DCAF5: variants seen among roughly 807,000 people sequenced by gnomAD.
DCAF5 encodes DDB1 and CUL4 associated factor 5.
Under a neutral mutation model 80.7 loss-of-function variants are expected in DCAF5, and 9 were observed. The ratio of observed to expected loss-of-function variants is 0.11; its 90% CI spans 0.07 to 0.19. DCAF5 has a LOEUF of 0.19. Ranked by LOEUF, DCAF5 falls within the 10% of genes least tolerant of loss-of-function variation. DCAF5 has a pLI of 1.00. For synonymous variants in DCAF5, 433 were observed against 461.9 expected (o/e 0.94, Z 0.80); for missense variants, 842 against 1,205.7 (o/e 0.70, Z 4.47).
intron 4 of DCAF5, among the ~76,000 whole-genome samples, chr14:69,117,189 C>T (rs2040568124): frequency 6.6e-6 from 1 of 152,166 alleles, no homozygotes; most frequent in Non-Finnish European, 1.5e-5. Context: ...TGCAGTATTT[C>T]ACAGGTCTCT....
chr14:69,055,227 G>C lies in DCAF5; in HGVS notation c.1459C>G (p.Arg487Gly). 1.2e-6 allele frequency: 2 copies of C among 1,614,156 alleles called. No individual in the cohort carries two copies. The highest frequency in any genetic ancestry group is 1.7e-6 in the Non-Finnish European group (2 of 1,180,022). Residue 487 changes from arginine to glycine, a missense_variant, in exon 9 of 9, where the codon CGG becomes GGG. Coordinates refer to ENST00000341516, the MANE Select transcript of DCAF5 (RefSeq NM_003861.3). The surrounding 1 kb of genome is among the most constrained non-coding windows in gnomAD (Gnocchi z 5.6). ...GCTACTGTGTTTGTGGTGGTGACCC[G>C]CAGGGGCCCCAGGTGGAAGGCGTTG... ...ADNAFHLGPL[R>G]VTTTNTVAST...
chr14:69,143,553 C>CTTTT (rs562355110), intron 1 of DCAF5, among the ~76,000 whole-genome samples: 1,272 of 102,136 alleles, frequency 0.012, 36 homozygotes, highest in African/African-American at 0.043. Context: ...ATCTGTTAAA[C>CTTTT]TTTTTTTTTT....
chr14:69,133,978 GT>G (rs1225534690), intron 1 of DCAF5, among the ~76,000 whole-genome samples: 3 of 152,182 alleles, frequency 2.0e-5, no homozygotes, highest in Non-Finnish European at 2.9e-5. Flanking sequence ...CCTAGACAAT[GT>G]CTCTAATTCC....
At chr14:69,076,095 A>T (rs1048590279) in intron 6 of DCAF5, among the ~76,000 whole-genome samples, 1 of 151,682 alleles carries the variant, frequency 6.6e-6, no homozygotes, top group South Asian at 2.1e-4. Flanking sequence ...ACTATTTCAC[A>T]CCCATTAGGA....
At chr14:69,067,485 AG>A (rs1310466734) in intron 7 of DCAF5, among the ~76,000 whole-genome samples, 1 of 151,102 alleles carries the variant, frequency 6.6e-6, no homozygotes, top group Non-Finnish European at 1.5e-5. Flanking sequence ...CTGAGACTAT[AG>A]GGACATGGCA....
At chr14:69,113,953 T>C (rs1194099407) in intron 5 of DCAF5, among the ~76,000 whole-genome samples, 1 of 152,242 alleles carries the variant, frequency 6.6e-6, no homozygotes, top group Non-Finnish European at 1.5e-5. Context: ...TTAGCCCTAC[T>C]GGGCAACTTT....
At position 69,122,498 on chromosome 14, in the gene DCAF5, C is replaced by A. The variant is rs1024645850; in HGVS notation, c.215-138G>T. On this transcript the variant is annotated intron_variant, in intron 1 of 8. Coordinates refer to ENST00000341516, the MANE Select transcript of DCAF5 (RefSeq NM_003861.3). ...TAAGATTCGCATGGAGCACAAAAACCCAGGACTCTCCCTGCTTCACCATCA... is the reference window on the plus strand; with the variant it reads ...TAAGATTCGCATGGAGCACAAAAACACAGGACTCTCCCTGCTTCACCATCA... The A allele has an allele frequency of 1.1e-5, 9 of 786,430 alleles. No homozygotes were observed. The Admixed American group carries it at 1.7e-4, about 15-fold the overall frequency. The allele number at this position is 786,430 out of a possible 1,614,324, so 48.7% of individuals were successfully genotyped here.
chr14:69,135,301 T>A (rs887476570), intron 1 of DCAF5, among the ~76,000 whole-genome samples: 19 of 152,206 alleles, frequency 1.2e-4, no homozygotes, highest in African/African-American at 4.6e-4. Context: ...ATTCTTTAAC[T>A]GCCACTCATT....
chr14:69,055,444 C>T lies in DCAF5; in HGVS notation c.1242G>A (p.Arg414=). The T allele has an allele frequency of 6.2e-7, 1 of 1,614,164 alleles. No homozygotes were observed. Among genetic ancestry groups the T allele is most frequent in the South Asian group, 1.1e-5 (1 of 91,074 alleles). Residue 414 remains arginine, a synonymous_variant, in exon 9 of 9, where the codon CGG becomes CGA. Transcript: ENST00000341516. This position sits in a 1 kb window ranked among gnomAD's most constrained non-coding sequence, Gnocchi z 5.6. ...YANQSVQEDP[R]MMAFFDSLVR... ...CCAGTGAGTCAAAGAAGGCCATCAT[C>T]CGGGGGTCTTCCTGGACCGACTGGT...
chr14:69,151,422 CAGA>C (rs1254113105), intron 1 of DCAF5, among the ~76,000 whole-genome samples: 1 of 152,176 alleles, frequency 6.6e-6, no homozygotes, highest in Admixed American at 6.5e-5. Context: ...GCCAAGATCC[CAGA>C]AGTTTCTGGC....
At chr14:69,125,190 A>C (rs2040838999) in intron 1 of DCAF5, among the ~76,000 whole-genome samples, 1 of 152,216 alleles carries the variant, frequency 6.6e-6, no homozygotes, top group South Asian at 2.1e-4. Context: ...AATGAACCAT[A>C]ACTGACAAAG....
chr14:69,086,598 A>T (rs1451529296), intron 6 of DCAF5, among the ~76,000 whole-genome samples: 2 of 150,286 alleles, frequency 1.3e-5, no homozygotes, highest in African/African-American at 2.5e-5. Context: ...AAGTGGGCTT[A>T]ATCAGGCGTG....
intron 6 of DCAF5, among the ~76,000 whole-genome samples, chr14:69,087,461 G>A (rs950174070): frequency 2.0e-5 from 3 of 152,184 alleles, no homozygotes; most frequent in African/African-American, 7.2e-5. Context: ...AGGTAGGCTT[G>A]CTTTAAACAA....
intron 6 of DCAF5, chr14:69,084,019 T>C: frequency 1.3e-6 from 1 of 781,534 alleles, no homozygotes; most frequent in Non-Finnish European, 2.4e-6. Context: ...AGACCACCTC[T>C]GGAAGGCAGG....
chr14:69,117,260 C>T (rs1384662822), intron 4 of DCAF5, among the ~76,000 whole-genome samples: 3 of 152,208 alleles, frequency 2.0e-5, no homozygotes, highest in Non-Finnish European at 4.4e-5. Context: ...GAGAATTTCA[C>T]TTACCAAGCC....
chr14:69,117,828 T>G (rs1191703231), intron 4 of DCAF5, among the ~76,000 whole-genome samples: 1 of 152,214 alleles, frequency 6.6e-6, no homozygotes, highest in African/African-American at 2.4e-5. Context: ...CCCCATTCTC[T>G]GTAAATAATC....
Position 69,054,629 on chromosome 14 carries a change from G to A in DCAF5, c.2057C>T (p.Thr686Ile). 1 of 1,614,162 alleles carries A rather than the reference G, an allele frequency of 6.2e-7. No homozygotes were observed. Among genetic ancestry groups the A allele is most frequent in the East Asian group, 2.2e-5 (1 of 44,880 alleles). Residue 686 changes from threonine (T) to isoleucine (I), a missense_variant, in exon 9 of 9, where the codon ACC becomes ATC. Physicochemically the swap from Thr to Ile is moderately conservative, Grantham distance 89 (BLOSUM62 -1). This residue lies in a region of DCAF5 where 607 missense variants were observed against 656.6 expected (regional missense o/e 0.92). Coordinates refer to ENST00000341516, the MANE Select transcript of DCAF5 (RefSeq NM_003861.3). ...TGCTCTCCCTTCATCTGCCTCCCCGGTCACCAAGGAGGTCTCTCCATCTTT... is the reference window on the plus strand; with the variant it reads ...TGCTCTCCCTTCATCTGCCTCCCCGATCACCAAGGAGGTCTCTCCATCTTT... ...NNKDGETSLV[T>I]GEADEGRAGT...
intron 1 of DCAF5, among the ~76,000 whole-genome samples, chr14:69,140,199 G>A (rs1057082498): frequency 1.3e-5 from 2 of 151,868 alleles, no homozygotes; most frequent in South Asian, 2.1e-4. Flanking sequence ...CCCGGGAGGC[G>A]GAGGTTGCAG....
chr14:69,117,322 C>T (rs543871626), intron 4 of DCAF5, among the ~76,000 whole-genome samples: 1 of 152,284 alleles, frequency 6.6e-6, no homozygotes, highest in Non-Finnish European at 1.5e-5. Flanking sequence ...CTGCCTAACC[C>T]TAAAAACAAG....
Sources: allele counts gnomAD v4.1 joint callset (sites outside exome capture counted in the v4.1 genomes callset), GRCh38; gene constraint gnomAD v4.1.1; regional missense constraint gnomAD v4.1.1; non-coding constraint Gnocchi (gnomAD v3.1); transcripts MANE v1.5; gene names NCBI Gene and HGNC (gene_info 2026-07-23, HGNC 2026-07-21).